EFNB2: variants seen among roughly 807,000 people sequenced by gnomAD.
EFNB2 encodes the protein ephrin-B2.
EFNB2 carries 5 observed loss-of-function variants against 32.1 expected under a neutral mutation model. That is an observed-to-expected ratio of 0.16 (90% CI 0.08 to 0.33). The LOEUF is 0.33. EFNB2 is among the 10% of genes least tolerant of loss of function. The pLI is 1.00. For synonymous variants in EFNB2, 168 were observed against 166.5 expected (o/e 1.01, Z -0.07); for missense variants, 263 against 422.6 (o/e 0.62, Z 3.31).
chr13:106,505,954 A>G (rs1878935377), intron 2 of EFNB2: 1 of 152,288 alleles, frequency 6.6e-6, no homozygotes, highest in Non-Finnish European at 1.5e-5. Flanking sequence ...GCCATATGGG[A>G]CAGACATCCC....
intron 2 of EFNB2, among the ~76,000 whole-genome samples, chr13:106,512,302 G>A (rs555380949): frequency 4.4e-5 from 1 of 22,700 alleles, no homozygotes; most frequent in Non-Finnish European, 1.1e-4. Context: ...AAGAATTCTA[G>A]TGTTTTTTTT....
At chr13:106,494,499 CCT>C (rs1173128813) in intron 4 of EFNB2, among the ~76,000 whole-genome samples, 2 of 151,960 alleles carry the variant, frequency 1.3e-5, no homozygotes, top group Non-Finnish European at 2.9e-5. Flanking sequence ...TCAATTAAAC[CCT>C]CTGTGGCTTA....
Position 106,492,907 on chromosome 13 carries a change from C to CGAG in EFNB2, c.*130_*132dup. On this transcript the variant is annotated 3_prime_UTR_variant, in exon 5 of 5. Transcript: ENST00000646441. This position sits in a 1 kb window ranked among gnomAD's most constrained non-coding sequence, Gnocchi z 5.1. ...AGCTGTCCAGCGCGACGGGCTCTTC[C>CGAG]GAGGAGGAGTGTCCCTCTCCCCCGG... The CGAG allele has an allele frequency of 8.0e-7, 1 of 1,251,322 alleles. No individual in the cohort carries two copies. Among genetic ancestry groups the CGAG allele is most frequent in the Non-Finnish European group, 1.1e-6 (1 of 914,320 alleles). The allele number at this position is 1,251,322 out of a possible 1,614,324, so 77.5% of individuals were successfully genotyped here.
intron 1 of EFNB2, chr13:106,517,258 A>C (rs1009650953): frequency 2.0e-5 from 3 of 152,212 alleles, no homozygotes; most frequent in Non-Finnish European, 4.4e-5. Context: ...GTGTTCAGAT[A>C]ATGTTCATCT....
At chr13:106,523,134 C>T (rs1879589268) in intron 1 of EFNB2, among the ~76,000 whole-genome samples, 1 of 152,070 alleles carries the variant, frequency 6.6e-6, no homozygotes, top group Non-Finnish European at 1.5e-5. Context: ...GAGACATTTT[C>T]CTGCACGTCT....
rs115936550 is a variant in EFNB2 at position 106,507,821 on chromosome 13, C to A, written c.406+4708G>T. Among the ~76,000 whole-genome samples, 1,479 of 152,184 alleles carry A rather than the reference C, an allele frequency of 9.7e-3. 23 individuals are homozygous for A. The highest frequency in any genetic ancestry group is 0.034 in the African/African-American group (1,394 of 41,512). ...AACAACCTTTAATCAAACAGTCCTT[C>A]GGAAAGATGACTTACGGACTATGCC... On this transcript the variant is annotated intron_variant, in intron 2 of 4. Coordinates refer to ENST00000646441, the MANE Select transcript of EFNB2 (RefSeq NM_004093.4).
intron 1 of EFNB2, among the ~76,000 whole-genome samples, chr13:106,523,643 A>G (rs9520093): frequency 6.6e-6 from 1 of 151,854 alleles, no homozygotes; most frequent in Non-Finnish European, 1.5e-5. Flanking sequence ...GAACCCCAGG[A>G]CCACCAATAT....
intron 1 of EFNB2, among the ~76,000 whole-genome samples, chr13:106,513,183 C>G (rs1879201251): frequency 6.6e-6 from 1 of 152,106 alleles, no homozygotes; most frequent in Admixed American, 6.5e-5. Flanking sequence ...TAACCATTGG[C>G]AGCTTTAGTT....
At chr13:106,515,152 T>G (rs1311271725) in intron 1 of EFNB2, among the ~76,000 whole-genome samples, 1 of 152,208 alleles carries the variant, frequency 6.6e-6, no homozygotes, top group Non-Finnish European at 1.5e-5. Context: ...GTCTTGCTGG[T>G]GCTGATGCGG....
chr13:106,503,535 A>G (rs911763995), intron 2 of EFNB2, among the ~76,000 whole-genome samples: 4 of 152,196 alleles, frequency 2.6e-5, no homozygotes, highest in Admixed American at 2.0e-4. Context: ...TGGGCCGTAC[A>G]GGGACTCGAG....
chr13:106,515,612 A>G (rs1879286338), intron 1 of EFNB2, among the ~76,000 whole-genome samples: 1 of 152,220 alleles, frequency 6.6e-6, no homozygotes, highest in South Asian at 2.1e-4. Flanking sequence ...CTTTAATTAA[A>G]TCAATACAAA....
chr13:106,502,882 T>G (rs1046499280), intron 2 of EFNB2, among the ~76,000 whole-genome samples: 3 of 152,144 alleles, frequency 2.0e-5, no homozygotes, highest in Admixed American at 6.5e-5. Flanking sequence ...TGTGCGTGTC[T>G]ACATGTGTGT....
rs1480684436 is a variant in EFNB2 at position 106,492,346 on chromosome 13, C to T, written c.*694G>A. 1 of 152,280 alleles carries T rather than the reference C, an allele frequency of 6.6e-6. No homozygotes were observed. Among genetic ancestry groups the T allele is most frequent in the Non-Finnish European group, 1.5e-5 (1 of 68,110 alleles). The allele number at this position is 152,280 out of a possible 1,614,324, so 9.4% of individuals were successfully genotyped here. Reference sequence around the variant, plus strand: ...TTCTATGAACTCCTAGCCTTCTTCGCAGACAGCCTAGCATCTGGCTAAAGG... The same window carrying T: ...TTCTATGAACTCCTAGCCTTCTTCGTAGACAGCCTAGCATCTGGCTAAAGG... On this transcript the variant is annotated 3_prime_UTR_variant, in exon 5 of 5. Coordinates refer to ENST00000646441, the MANE Select transcript of EFNB2 (RefSeq NM_004093.4). This position sits in a 1 kb window ranked among gnomAD's most constrained non-coding sequence, Gnocchi z 5.1.
chr13:106,495,928 A>G (rs1878573654), intron 2 of EFNB2, 88 bp from the exon 3 acceptor site: 1 of 1,275,582 alleles, frequency 7.8e-7, no homozygotes, highest in Non-Finnish European at 1.1e-6. Context: ...GAAATGTCTG[A>G]AAACAATTTG....
At chr13:106,516,009 C>A (rs951389888) in intron 1 of EFNB2, 2 of 152,064 alleles carry the variant, frequency 1.3e-5, no homozygotes, top group Non-Finnish European at 2.9e-5. Context: ...TATTAAACAC[C>A]CAAGGGGCTG....
At chr13:106,504,679 A>G (rs971723165) in intron 2 of EFNB2, among the ~76,000 whole-genome samples, 1 of 152,200 alleles carries the variant, frequency 6.6e-6, no homozygotes, top group Non-Finnish European at 1.5e-5. Context: ...TGCAAAGCAC[A>G]ACTGTCACCC....
At chr13:106,495,895 A>G (rs1878572477) in intron 2 of EFNB2, 55 bp from the exon 3 acceptor site, 1 of 1,512,824 alleles carries the variant, frequency 6.6e-7, no homozygotes, top group Non-Finnish European at 9.1e-7. Context: ...CAGGAAATCA[A>G]TAAGCCAAGT....
At chr13:106,525,492 G>A (rs1879669811) in intron 1 of EFNB2, among the ~76,000 whole-genome samples, 1 of 152,244 alleles carries the variant, frequency 6.6e-6, no homozygotes, top group African/African-American at 2.4e-5. Flanking sequence ...CGGATGCAGA[G>A]AATCCTGGGA....
intron 2 of EFNB2, among the ~76,000 whole-genome samples, chr13:106,507,930 G>A (rs956934614): frequency 3.9e-5 from 6 of 152,268 alleles, no homozygotes; most frequent in Non-Finnish European, 7.4e-5. Flanking sequence ...TCATTAATAC[G>A]GTTTTCTTTG....
Sources: gnomAD v4.1 joint callset for allele counts (sites outside exome capture counted in the v4.1 genomes callset) on GRCh38, gnomAD v4.1.1 for gene constraint, Gnocchi (gnomAD v3.1) non-coding constraint, MANE v1.5 for transcripts, NCBI Gene and HGNC (gene_info 2026-07-23, HGNC 2026-07-21) for gene names.